FBN3: variants seen among roughly 807,000 people sequenced by gnomAD.
FBN3 encodes fibrillin 3, also known as fibrillin-3.
A neutral mutation model predicts 330.1 loss-of-function variants in FBN3; 234 were observed. The ratio of observed to expected loss-of-function variants is 0.71; its 90% CI spans 0.64 to 0.79. The LOEUF is 0.79. FBN3 is among the 30% of genes least tolerant of loss of function. FBN3 has a pLI of 0.00. For missense variants in FBN3, 3,606 were observed against 3,886.9 expected (o/e 0.93, Z 1.92); for synonymous variants, 1,458 against 1,517.3 (o/e 0.96, Z 0.91).
Position 8,121,390 on chromosome 19 carries a change from T to C in FBN3, c.3083-4A>G, listed in dbSNP as rs374788162. ...GAGATGCGACACTCGTCGATATCTG[T>C]GGGGAGAGGGGGCAGAGGCCGGAGG... On this transcript the variant is annotated splice_polypyrimidine_tract_variant and splice_region_variant and intron_variant, in intron 24 of 63. Coordinates refer to ENST00000600128, the MANE Select transcript of FBN3 (RefSeq NM_032447.5). This position sits in a 1 kb window ranked among gnomAD's most constrained non-coding sequence, Gnocchi z 4.5. The C allele has an allele frequency of 5.7e-6, 9 of 1,569,898 alleles. No individual in the cohort carries two copies. In the African/African-American group the frequency reaches 1.2e-4, roughly 20 times the overall value.
chr19:8,121,607 A>G lies in FBN3; in HGVS notation c.3083-221T>C, dbSNP rs369956674. On this transcript the variant is annotated intron_variant, in intron 24 of 63. Transcript: ENST00000600128. The surrounding 1 kb of genome is among the most constrained non-coding windows in gnomAD (Gnocchi z 4.5). ...ATGACAGGCAGAACAGAAGCCCCCA[A>G]AAGGAGCCGAGGAAATGGAGGAACC... Among the ~76,000 whole-genome samples the G allele has an allele frequency of 3.3e-5, 5 of 152,216 alleles. No individual in the cohort carries two copies. Among genetic ancestry groups the G allele is most frequent in the African/African-American group, 7.2e-5 (3 of 41,464 alleles).
intron 22 of FBN3, among the ~76,000 whole-genome samples, chr19:8,124,497 C>T (rs991020536): frequency 6.6e-6 from 1 of 151,666 alleles, no homozygotes; most frequent in Admixed American, 6.6e-5. Context: ...CTCAGCCTCC[C>T]AAAGTGCTGG....
rs377092839 is a variant in FBN3 at position 8,073,330 on chromosome 19, G to A, written c.7703-33C>T. Reference sequence around the variant, plus strand: ...AGGAAAGGAGGAGGAGAGGGAGGACGCAGAGGTGGGGCAGTGCAGCCTTCA... The same window carrying A: ...AGGAAAGGAGGAGGAGAGGGAGGACACAGAGGTGGGGCAGTGCAGCCTTCA... On this transcript the variant is annotated intron_variant, in intron 61 of 63. Transcript: ENST00000600128. The A allele has an allele frequency of 5.2e-5, 81 of 1,569,500 alleles. 1 individual carries two copies. The African/African-American group carries it at 8.1e-4, about 16-fold the overall frequency.
At chr19:8,112,682 G>C (rs2144837280) in intron 30 of FBN3, among the ~76,000 whole-genome samples, 1 of 152,178 alleles carries the variant, frequency 6.6e-6, no homozygotes, top group African/African-American at 2.4e-5. Flanking sequence ...ATAAAAAAGT[G>C]ACTGTCCGTA....
rs1253766256 is a variant in FBN3 at position 8,075,398 on chromosome 19, G to A, written c.7467C>T (p.Cys2489=). Residue 2489 remains cysteine, a synonymous_variant, in exon 60 of 64, where the codon TGC becomes TGT. Transcript: ENST00000600128. ...HHQACFDNDE[C]SAQPGPCGAH... ...CACCACATGGGCCAGGCTGGGCTGA[G>A]CACTCATCATTGTCTGCAGAGGAGA... The A allele has an allele frequency of 2.5e-6, 4 of 1,613,684 alleles. No individual in the cohort carries two copies. Among genetic ancestry groups the A allele is most frequent in the Non-Finnish European group, 3.4e-6 (4 of 1,179,886 alleles).
rs2082051226 is a variant in FBN3 at position 8,089,769 on chromosome 19, C to G, written c.6251-99G>C. ...CCCAAGGGGACAAAAGCCCAAGCCC[C>G]AGGCTGGCAGGGTCCAGGGCCACCC... On this transcript the variant is annotated intron_variant, in intron 50 of 63. Coordinates refer to ENST00000600128, the MANE Select transcript of FBN3 (RefSeq NM_032447.5). 7.0e-6 allele frequency: 11 copies of G among 1,566,642 alleles called. No individual in the cohort carries two copies. In the South Asian group the frequency reaches 1.3e-4, roughly 19 times the overall value.
rs763160384 is a variant in FBN3, at chr19:8,119,003, C to G, written c.3231G>C (p.Arg1077Ser). Residue 1077 changes from arginine (R) to serine (S), a missense_variant, in exon 26 of 64, where the codon AGG becomes AGC. By Grantham distance (110) the Arg-to-Ser change is moderately radical. Coordinates refer to ENST00000600128, the MANE Select transcript of FBN3 (RefSeq NM_032447.5). ...KNCMDVDECA[R>S]DPLLCRGGTC... Reference sequence around the variant, plus strand: ...TGCCTCCCCGGCAGAGCAGCGGGTCCCTTGCACACTCGTCCACGTCTGAAG... The same window carrying G: ...TGCCTCCCCGGCAGAGCAGCGGGTCGCTTGCACACTCGTCCACGTCTGAAG... The G allele has an allele frequency of 5.6e-6, 9 of 1,605,158 alleles. No individual in the cohort carries two copies. Among genetic ancestry groups the G allele is most frequent in the Non-Finnish European group, 7.7e-6 (9 of 1,172,868 alleles).
Position 8,117,153 on chromosome 19 carries a change from A to T in FBN3, c.3586+16T>A, listed in dbSNP as rs773645586. 22 of 1,613,832 alleles carry T rather than the reference A, an allele frequency of 1.4e-5. No individual in the cohort carries two copies. In the South Asian group the frequency reaches 2.4e-4, roughly 18 times the overall value. On this transcript the variant is annotated intron_variant, in intron 28 of 63. Coordinates refer to ENST00000600128, the MANE Select transcript of FBN3 (RefSeq NM_032447.5). ...CCCTCCACACCAGGCAGTGGGAAGA[A>T]GTTGTGCCCACCTACCTGCACATGC...
intron 1 of FBN3, 40 bp from the exon 2 acceptor site, chr19:8,147,537 C>A: frequency 7.1e-7 from 1 of 1,399,706 alleles, no homozygotes; most frequent in Non-Finnish European, 9.3e-7. Context: ...ATGAGCCCCC[C>A]ACCCTAGCCA....
intron 37 of FBN3, among the ~76,000 whole-genome samples, chr19:8,106,663 GAGTGGATGGATAGGAA>G (rs1166531065): frequency 6.6e-6 from 1 of 152,124 alleles, no homozygotes; most frequent in East Asian, 1.9e-4. Flanking sequence ...GATGATGAGT[GAGTGGATGGATAGGAA>G]GGTGGATGGA....
intron 21 of FBN3, 103 bp downstream of exon 21, chr19:8,126,194 A>C: frequency 6.9e-7 from 1 of 1,446,668 alleles, no homozygotes; most frequent in Non-Finnish European, 9.5e-7. Context: ...CCCATCGCAA[A>C]AGACTCCAGG....
intron 21 of FBN3, 122 bp downstream of exon 21, chr19:8,126,175 A>G: frequency 7.1e-7 from 1 of 1,407,474 alleles, no homozygotes; most frequent in South Asian, 1.2e-5. Context: ...GGTAGGGAGA[A>G]CGTCTGTCCC....
chr19:8,134,485 G>A (rs1235336094), intron 13 of FBN3, among the ~76,000 whole-genome samples: 1 of 152,174 alleles, frequency 6.6e-6, no homozygotes, highest in Non-Finnish European at 1.5e-5. Context: ...GGCTGAGGCG[G>A]GGACATTGCT....
In FBN3 at chr19:8,087,168, C is replaced by A; in HGVS notation, c.6663G>T (p.Arg2221=). 1 of 1,607,482 alleles carries A rather than the reference C, an allele frequency of 6.2e-7. No individual in the cohort carries two copies. The highest frequency in any genetic ancestry group is 1.7e-4 in the Middle Eastern group (1 of 5,878). ...CADGQQDCHA[R]GMECKNLIGT... ...CGATGAGGTTCTTGCACTCCATGCC[C>A]CGGGCGTGGCAGTCCTGCTGACCAT... The change falls in exon 54 of 64, where the codon CGG becomes CGT. Residue 2221 remains arginine, a synonymous_variant. Coordinates refer to ENST00000600128, the MANE Select transcript of FBN3 (RefSeq NM_032447.5).
In FBN3 at chr19:8,147,492, T is replaced by G. The variant is rs2083579086; in HGVS notation, c.-12A>C. On this transcript the variant is annotated 5_prime_UTR_variant, in exon 2 of 64. Transcript: ENST00000600128. ...CCCTCCAGAGTCATGGCGTGTCCCC[T>G]GGAGGCTGCGGAGAGGAAGCAGAGT... 1 of 1,456,848 alleles carries G rather than the reference T, an allele frequency of 6.9e-7. No individual in the cohort carries two copies. 90.2% of individuals were successfully genotyped at this position (1,456,848 alleles called of 1,614,324 possible). A position where few individuals can be genotyped will look rare whatever the true frequency, so the allele number is the denominator to read the frequency against.
rs535392058 is a variant in FBN3, at chr19:8,100,232, G to C, written c.5161+669C>G. On this transcript the variant is annotated intron_variant, in intron 41 of 63. Coordinates refer to ENST00000600128, the MANE Select transcript of FBN3 (RefSeq NM_032447.5). ...GGGGAGTGAGAGTTTCATGGGGACA[G>C]AGTTTCAGTGGGAGGAGATGAGAAA... Among the ~76,000 whole-genome samples the C allele has an allele frequency of 5.3e-5, 8 of 152,146 alleles. No individual in the cohort carries two copies. The South Asian group carries it at 1.7e-3, about 32-fold the overall frequency.
intron 24 of FBN3, among the ~76,000 whole-genome samples, chr19:8,122,951 C>G (rs2082888632): frequency 1.3e-5 from 2 of 151,838 alleles, no homozygotes; most frequent in Non-Finnish European, 2.9e-5. Context: ...ATGTGAGCCA[C>G]CGCGCCCAGC....
chr19:8,126,935 G>T (rs1015845679), intron 18 of FBN3, 103 bp from the exon 19 acceptor site: 1 of 1,368,486 alleles, frequency 7.3e-7, no homozygotes, highest in East Asian at 2.5e-5. Flanking sequence ...GTGGCACGGG[G>T]TGCACCCAGA....
chr19:8,146,538 T>C (rs1302458577), intron 3 of FBN3, among the ~76,000 whole-genome samples: 1 of 151,738 alleles, frequency 6.6e-6, no homozygotes, highest in Non-Finnish European at 1.5e-5. Context: ...GATACTGAGG[T>C]TGGGTGTCTC....
Sources: allele counts gnomAD v4.1 joint callset (sites outside exome capture counted in the v4.1 genomes callset), GRCh38; gene constraint gnomAD v4.1.1; non-coding constraint Gnocchi (gnomAD v3.1); transcripts MANE v1.5; gene names NCBI Gene and HGNC (gene_info 2026-07-23, HGNC 2026-07-21).